Variants in SKAP1 observed in about 807,000 individuals in gnomAD.
SKAP1 encodes the protein src kinase associated phosphoprotein 1, also known as src kinase-associated phosphoprotein 1.
In SKAP1, 44 loss-of-function variants were observed where a neutral mutation model predicts 58.5. The observed-to-expected ratio is 0.75, with a 90% CI of 0.59 to 0.97. The LOEUF (loss-of-function observed/expected upper bound fraction) is 0.97. Among genes scored for constraint, SKAP1 ranks in the 50% least tolerant of loss-of-function variants. The probability of loss-of-function intolerance (pLI) is 0.00; values close to 1 mark genes in which losing one functional copy is unlikely to be tolerated. For synonymous variants in SKAP1, 127 were observed against 149.7 expected, an observed-to-expected ratio of 0.85 and a Z score of 1.11; for missense variants, 390 against 435.2, an observed-to-expected ratio of 0.90 and a Z score of 0.92.
intron 4 of SKAP1, among the ~76,000 whole-genome samples, chr17:48,231,430 C>G (rs1490593937): frequency 6.6e-6 from 1 of 151,724 alleles, no homozygotes; most frequent in East Asian, 1.9e-4. Flanking sequence ...GCTGCTTTTG[C>G]AGAAAGCAAA....
chr17:48,207,613 A>C (rs1299890111), intron 4 of SKAP1, among the ~76,000 whole-genome samples: 8 of 152,238 alleles, frequency 5.3e-5, no homozygotes, highest in Admixed American at 5.2e-4. Context: ...CTAATATTGT[A>C]CTTTATACCA....
chr17:48,341,929 T>G (rs2066658689), intron 4 of SKAP1, among the ~76,000 whole-genome samples: 1 of 152,212 alleles, frequency 6.6e-6, no homozygotes, highest in African/African-American at 2.4e-5. Flanking sequence ...AATAATTTTA[T>G]TTTTTCTTTT....
intron 11 of SKAP1, among the ~76,000 whole-genome samples, chr17:48,162,251 C>G (rs1035666866): frequency 2.6e-5 from 4 of 152,214 alleles, no homozygotes; most frequent in African/African-American, 9.7e-5. Flanking sequence ...CAGGCGTGAG[C>G]CACCACGCCC....
rs550073346 is a variant in SKAP1 at position 48,169,046 on chromosome 17, A to T, written c.877+1563T>A. Among the ~76,000 whole-genome samples, 13 of 152,290 alleles carry T rather than the reference A, an allele frequency of 8.5e-5. 1 individual carries two copies. Among genetic ancestry groups the T allele is most frequent in the African/African-American group, 2.9e-4 (12 of 41,574 alleles). ...TGGGAAGTGTAAACCATAGAAACAT[A>T]TTCAGAGCTTGCTATACTTTAACAA... On this transcript the variant is annotated intron_variant, in intron 10 of 12. Transcript: ENST00000336915.
At chr17:48,277,105 ACTT>A (rs2065710129) in intron 4 of SKAP1, among the ~76,000 whole-genome samples, 1 of 152,244 alleles carries the variant, frequency 6.6e-6, no homozygotes, top group Non-Finnish European at 1.5e-5. Context: ...TTTTAAGAAT[ACTT>A]CTTTTATATT....
intron 11 of SKAP1, among the ~76,000 whole-genome samples, chr17:48,138,390 G>T (rs1226387266): frequency 7.2e-6 from 1 of 138,208 alleles, no homozygotes. Flanking sequence ...TTTTTTTTTA[G>T]ACAGAGTCTG....
chr17:48,339,791 C>G (rs142484079), intron 4 of SKAP1, among the ~76,000 whole-genome samples: 16 of 152,222 alleles, frequency 1.1e-4, no homozygotes, highest in African/African-American at 3.6e-4. Flanking sequence ...CTCTGTGAAA[C>G]AATATAATTT....
At chr17:48,282,818 T>C (rs1443711183) in intron 4 of SKAP1, among the ~76,000 whole-genome samples, 1 of 152,064 alleles carries the variant, frequency 6.6e-6, no homozygotes, top group Non-Finnish European at 1.5e-5. Context: ...CTGCCCTTTT[T>C]TTTTGGTAAG....
chr17:48,355,684 G>A (rs958536071), intron 3 of SKAP1, among the ~76,000 whole-genome samples: 11 of 152,234 alleles, frequency 7.2e-5, no homozygotes, highest in South Asian at 2.1e-4. Flanking sequence ...AAAATTAGCC[G>A]GGCATGGTGG....
chr17:48,144,646 G>A (rs918392186), intron 11 of SKAP1, among the ~76,000 whole-genome samples: 2 of 152,196 alleles, frequency 1.3e-5, no homozygotes. Flanking sequence ...TACTGGCTCA[G>A]TCAGGCAGAC....
intron 4 of SKAP1, among the ~76,000 whole-genome samples, chr17:48,330,481 T>C (rs2066490909): frequency 6.6e-6 from 1 of 152,128 alleles, no homozygotes; most frequent in Non-Finnish European, 1.5e-5. Context: ...CAGAGCATAA[T>C]CCAAGTCACA....
intron 4 of SKAP1, among the ~76,000 whole-genome samples, chr17:48,208,595 G>A (rs1027064939): frequency 1.3e-5 from 2 of 152,164 alleles, no homozygotes; most frequent in Non-Finnish European, 2.9e-5. Context: ...ACAACTTCTT[G>A]CCAGTTTGGA....
chr17:48,306,003 G>A (rs1424790795), intron 4 of SKAP1, among the ~76,000 whole-genome samples: 1 of 152,144 alleles, frequency 6.6e-6, no homozygotes, highest in East Asian at 1.9e-4. Flanking sequence ...GTTGCCCAAA[G>A]ACAAGTTGTG....
At chr17:48,254,029 C>G (rs1251383889) in intron 4 of SKAP1, among the ~76,000 whole-genome samples, 2 of 152,114 alleles carry the variant, frequency 1.3e-5, no homozygotes, top group Non-Finnish European at 2.9e-5. Flanking sequence ...GGAAGTTTTA[C>G]TGTACTGAGA....
chr17:48,182,348 A>G (rs772312002), intron 8 of SKAP1, 46 bp downstream of exon 8: 10 of 1,368,084 alleles, frequency 7.3e-6, no homozygotes, highest in Non-Finnish European at 1.0e-5. Flanking sequence ...ACATAACTTC[A>G]ACTGCAAATC....
intron 4 of SKAP1, among the ~76,000 whole-genome samples, chr17:48,240,063 T>C (rs2065228683): frequency 6.6e-6 from 1 of 152,198 alleles, no homozygotes; most frequent in African/African-American, 2.4e-5. Context: ...AAGGCCATAA[T>C]GGGCTCTGAT....
At chr17:48,265,565 A>G (rs2143952280) in intron 4 of SKAP1, among the ~76,000 whole-genome samples, 1 of 152,038 alleles carries the variant, frequency 6.6e-6, no homozygotes, top group Non-Finnish European at 1.5e-5. Flanking sequence ...TACTGTGTTC[A>G]GAAAAGACAC....
chr17:48,153,783 TAACC>T (rs2063933868), intron 11 of SKAP1, among the ~76,000 whole-genome samples: 1 of 149,396 alleles, frequency 6.7e-6, no homozygotes, highest in African/African-American at 2.5e-5. Flanking sequence ...ACCTCCCAGA[TAACC>T]CCCCACCCAT....
At chr17:48,372,104 T>C (rs1417639112) in intron 2 of SKAP1, among the ~76,000 whole-genome samples, 1 of 151,970 alleles carries the variant, frequency 6.6e-6, no homozygotes, top group Non-Finnish European at 1.5e-5. Context: ...CCTGAGTAGC[T>C]AGGATTACAA....
Sources: gnomAD v4.1 joint callset for allele counts (sites outside exome capture counted in the v4.1 genomes callset) on GRCh38, gnomAD v4.1.1 for gene constraint, MANE v1.5 for transcripts, NCBI Gene and HGNC (gene_info 2026-07-23, HGNC 2026-07-21) for gene names.